Variants in KMT2E observed in about 807,000 individuals in gnomAD.
KMT2E encodes lysine methyltransferase 2E (inactive).
A neutral mutation model predicts 184.6 loss-of-function variants in KMT2E; 30 were observed. That is an observed-to-expected ratio of 0.16 (90% confidence interval 0.12 to 0.22). The LOEUF (loss-of-function observed/expected upper bound fraction) is 0.22, where lower values mean the gene tolerates loss of function less well. Among genes scored for constraint, KMT2E ranks in the 10% least tolerant of loss-of-function variants. The probability of loss-of-function intolerance (pLI) is 1.00; values close to 1 mark genes in which losing one functional copy is unlikely to be tolerated. For synonymous variants in KMT2E, 815 were observed against 776.5 expected (o/e 1.05, Z -0.82); for missense variants, 2,023 against 2,237.4 (o/e 0.90, Z 1.93).
In KMT2E at chr7:105,106,633, T is replaced by A. The variant is rs143904429; in HGVS notation, c.2708T>A (p.Ile903Asn). The A allele has an allele frequency of 6.2e-7, 1 of 1,614,112 alleles. No individual in the cohort carries two copies. The highest frequency in any genetic ancestry group is 8.5e-7 in the Non-Finnish European group (1 of 1,179,970). ...TATGCTACACCAACTCACACCGATA[T>A]TACTCCTATGGACCCATCTTTTGCC... is the stretch of plus-strand genomic sequence containing the variant. ...SPYATPTHTD[I>N]TPMDPSFATP... is the part of the protein sequence containing the mutation. The change falls in exon 20 of 27, where the codon ATT (isoleucine) becomes AAT (asparagine). Residue 903 changes from isoleucine (I) to asparagine (N), a missense_variant. Coordinates refer to ENST00000311117, the MANE Select transcript of KMT2E (RefSeq NM_182931.3).
chr7:105,108,053 T>C, intron 22 of KMT2E, 128 bp downstream of exon 22: 2 of 654,254 alleles, frequency 3.1e-6, no homozygotes, highest in Admixed American at 3.9e-5. Flanking sequence ...ACATTTTTAA[T>C]ATTTTTAAAC....
chr7:105,070,273 C>T (rs1189977303), intron 6 of KMT2E, among the ~76,000 whole-genome samples: 2 of 151,942 alleles, frequency 1.3e-5, no homozygotes, highest in African/African-American at 2.4e-5. Flanking sequence ...GACTATTTTC[C>T]GGAATGGCTA....
intron 3 of KMT2E, among the ~76,000 whole-genome samples, chr7:105,061,003 G>A (rs1391254994): frequency 1.3e-5 from 2 of 152,088 alleles, no homozygotes; most frequent in Non-Finnish European, 2.9e-5. Flanking sequence ...GTTAAGCAAA[G>A]CATGACTATA....
At chr7:105,087,821 TGC>T (rs1491231561) in intron 13 of KMT2E, among the ~76,000 whole-genome samples, 4 of 149,502 alleles carry the variant, frequency 2.7e-5, no homozygotes, top group South Asian at 4.4e-4. Context: ...GCTGTTTTCT[TGC>T]TTTTTTTTTT....
At chr7:105,066,857 A>T (rs1314729576) in intron 6 of KMT2E, 50 bp downstream of exon 6, 1 of 1,220,102 alleles carries the variant, frequency 8.2e-7, no homozygotes, top group Non-Finnish European at 1.2e-6. Context: ...CTGAGGTAAT[A>T]CTAGTTAACA....
rs66946883 is a variant in KMT2E at position 105,064,164 on chromosome 7, G to GTTTTTTTTTTTTTTTTTTT, written c.416+594_416+612dup. The stretch of plus-strand genomic sequence containing the variant: ...GGTTTTGTATCATTTTTTTTTCTTG[G>GTTTTTTTTTTTTTTTTTTT]TTTTTTTTTTTTTTTTTTTTTTTTT... On this transcript the variant is annotated intron_variant, in intron 5 of 26. Coordinates refer to ENST00000311117, the MANE Select transcript of KMT2E (RefSeq NM_182931.3). The GTTTTTTTTTTTTTTTTTTT allele has an allele frequency of 5.4e-5, 4 of 74,154 alleles. 1 individual carries two copies. Among genetic ancestry groups the GTTTTTTTTTTTTTTTTTTT allele is most frequent in the Non-Finnish European group, 9.6e-5 (4 of 41,478 alleles). The allele number at this position is 74,154 out of a possible 1,614,324, so 4.6% of individuals were successfully genotyped here. A position where few individuals can be genotyped will look rare whatever the true frequency, so the allele number is the denominator to read the frequency against.
At chr7:105,064,248 A>G in intron 5 of KMT2E, 2 of 276,524 alleles carry the variant, frequency 7.2e-6, no homozygotes, top group Non-Finnish European at 1.4e-5. Context: ...TTTCAGCCTG[A>G]AAGTTACTGA....
intron 6 of KMT2E, among the ~76,000 whole-genome samples, chr7:105,067,258 G>C (rs1053303466): frequency 6.6e-6 from 1 of 151,516 alleles, no homozygotes; most frequent in Non-Finnish European, 1.5e-5. Flanking sequence ...TATTAATGAT[G>C]CATAAAATAA....
chr7:105,045,739 G>C (rs1299017624), intron 3 of KMT2E, among the ~76,000 whole-genome samples: 2 of 152,162 alleles, frequency 1.3e-5, no homozygotes, highest in Non-Finnish European at 2.9e-5. Flanking sequence ...ATTGGAAATA[G>C]TACTGCTATG....
Position 105,063,086 on chromosome 7 carries a change from C to T in KMT2E, c.187-265C>T, listed in dbSNP as rs547544505. Among the ~76,000 whole-genome samples the T allele has an allele frequency of 5.1e-3, 452 of 89,126 alleles. 16 individuals carry two copies. In the East Asian group the frequency reaches 0.25, roughly 49 times the overall value. 58.5% of individuals were successfully genotyped at this position (89,126 alleles called of 152,430 possible). A position where few individuals can be genotyped will look rare whatever the true frequency, so the allele number is the denominator to read the frequency against. On this transcript the variant is annotated intron_variant, in intron 4 of 26. Transcript: ENST00000311117. ...GGAGCTATGTATGTGACCATAGGAA[C>T]GTGAAGATATGATTTGGTAGGGAGG...
intron 13 of KMT2E, among the ~76,000 whole-genome samples, chr7:105,087,876 G>A (rs997029419): frequency 6.9e-6 from 1 of 145,888 alleles, no homozygotes; most frequent in Non-Finnish European, 1.5e-5. Flanking sequence ...TAGTCTTTTG[G>A]GTTATAAGCA....
At chr7:105,081,044 A>T (rs1226178600) in intron 12 of KMT2E, among the ~76,000 whole-genome samples, 2 of 151,752 alleles carry the variant, frequency 1.3e-5, no homozygotes, top group Non-Finnish European at 2.9e-5. Context: ...AGATGCCACC[A>T]GTTATAAGAC....
intron 7 of KMT2E, among the ~76,000 whole-genome samples, chr7:105,073,931 A>C (rs1797431248): frequency 6.6e-6 from 1 of 152,166 alleles, no homozygotes. Context: ...ATCAGCCATA[A>C]TTTTCCTACA....
At chr7:105,043,327 C>A (rs1795961524) in intron 3 of KMT2E, among the ~76,000 whole-genome samples, 1 of 150,188 alleles carries the variant, frequency 6.7e-6, no homozygotes, top group Non-Finnish European at 1.5e-5. Context: ...AGCTCCGCCT[C>A]CCGGGTTCAT....
At chr7:105,022,386 C>T (rs570902220) in intron 1 of KMT2E, among the ~76,000 whole-genome samples, 29 of 151,898 alleles carry the variant, frequency 1.9e-4, no homozygotes, top group African/African-American at 6.8e-4. Flanking sequence ...CTCAGTTTGG[C>T]TTGGTCTTAA....
chr7:105,059,978 GTTTTTTTTT>G (rs67291226), intron 3 of KMT2E, among the ~76,000 whole-genome samples: 8 of 51,794 alleles, frequency 1.5e-4, no homozygotes, highest in Admixed American at 1.3e-3. Context: ...TCTTGTTGTT[GTTTTTTTTT>G]TTTTTTTTTT....
intron 3 of KMT2E, among the ~76,000 whole-genome samples, chr7:105,059,114 G>A (rs967573087): frequency 2.6e-5 from 4 of 152,134 alleles, no homozygotes; most frequent in African/African-American, 9.7e-5. Flanking sequence ...TAATTATGAA[G>A]TATAACACTT....
At chr7:105,094,890 G>GT (rs780222411) in intron 15 of KMT2E, among the ~76,000 whole-genome samples, 5 of 152,172 alleles carry the variant, frequency 3.3e-5, no homozygotes, top group Non-Finnish European at 7.4e-5. Context: ...ACTATCTGCA[G>GT]TTTCAGGCAT....
intron 3 of KMT2E, among the ~76,000 whole-genome samples, chr7:105,042,421 TAA>T (rs748013905): frequency 1.1e-4 from 16 of 152,242 alleles, no homozygotes; most frequent in Non-Finnish European, 2.4e-4. Flanking sequence ...TAATGTTCTG[TAA>T]GTGTTAAGCA....
Sources: gnomAD v4.1 joint callset for allele counts (sites outside exome capture counted in the v4.1 genomes callset) on GRCh38, gnomAD v4.1.1 for gene constraint, MANE v1.5 for transcripts, NCBI Gene and HGNC (gene_info 2026-07-23, HGNC 2026-07-21) for gene names.